MACROD2: variants seen among roughly 807,000 people sequenced by gnomAD.
MACROD2 encodes mono-ADP ribosylhydrolase 2, also known as ADP-ribose glycohydrolase MACROD2.
MACROD2 carries 36 observed loss-of-function variants against 70.4 expected under a neutral mutation model. The ratio of observed to expected loss-of-function variants is 0.51; its 90% CI spans 0.39 to 0.68. The LOEUF (loss-of-function observed/expected upper bound fraction) is 0.68. MACROD2 is among the 30% of genes least tolerant of loss of function. The probability of loss-of-function intolerance (pLI) is 0.00; values close to 1 mark genes in which losing one functional copy is unlikely to be tolerated. For synonymous variants in MACROD2, 172 were observed against 178.8 expected, an observed-to-expected ratio of 0.96 and a Z score of 0.30; for missense variants, 496 against 538.4, an observed-to-expected ratio of 0.92 and a Z score of 0.78.
At chr20:15,905,527 C>T (rs6043609) in intron 10 of MACROD2, among the ~76,000 whole-genome samples, 6,202 of 152,132 alleles carry the variant, frequency 0.041, 305 homozygotes, top group East Asian at 0.12. Flanking sequence ...ACTCAGTCCC[C>T]GGGTTTATAG....
At chr20:14,173,405 TG>T (rs2081239072) in intron 3 of MACROD2, among the ~76,000 whole-genome samples, 1 of 152,230 alleles carries the variant, frequency 6.6e-6, no homozygotes, top group African/African-American at 2.4e-5. Context: ...TTGATGTTAT[TG>T]ATGAGACTTT....
chr20:14,308,904 T>C (rs2082542716), intron 3 of MACROD2, among the ~76,000 whole-genome samples: 1 of 152,146 alleles, frequency 6.6e-6, no homozygotes, highest in Non-Finnish European at 1.5e-5. Flanking sequence ...AGTGGTTATG[T>C]CCTGTCTCTT....
At chr20:15,650,350 A>G (rs1276556766) in intron 8 of MACROD2, among the ~76,000 whole-genome samples, 14 of 152,152 alleles carry the variant, frequency 9.2e-5, no homozygotes, top group Admixed American at 9.2e-4. Context: ...TCTGCTTTTG[A>G]GTCTCTGAAA....
At position 15,431,628 on chromosome 20, in the gene MACROD2, A is replaced by T. The variant is rs541832506; in HGVS notation, c.571+193A>T. On this transcript the variant is annotated intron_variant, in intron 7 of 17. Coordinates refer to ENST00000684519, the MANE Select transcript of MACROD2 (RefSeq NM_001351661.2). ...CTTTTGGGTTCTTGAATTTGGTTAT[A>T]TCGGGTATCACATGAAATTATTTGA... 6.1e-4 allele frequency among the ~76,000 whole-genome samples: 92 copies of T among 152,014 alleles called. 1 individual carries two copies. Among genetic ancestry groups the T allele is most frequent in the African/African-American group, 2.1e-3 (86 of 41,432 alleles).
intron 8 of MACROD2, among the ~76,000 whole-genome samples, chr20:15,547,805 T>C (rs978743473): frequency 6.6e-6 from 1 of 152,218 alleles, no homozygotes; most frequent in Admixed American, 6.5e-5. Context: ...TGGATTCCTG[T>C]GTTGATCTAG....
At chr20:14,657,094 G>A (rs1171136309) in intron 4 of MACROD2, among the ~76,000 whole-genome samples, 2 of 152,130 alleles carry the variant, frequency 1.3e-5, no homozygotes, top group African/African-American at 4.8e-5. Flanking sequence ...TCATACATTT[G>A]TGCTTTATTT....
At chr20:14,991,891 T>C (rs1399593959) in intron 5 of MACROD2, among the ~76,000 whole-genome samples, 1 of 152,192 alleles carries the variant, frequency 6.6e-6, no homozygotes, top group Non-Finnish European at 1.5e-5. Context: ...AAAATGGTTA[T>C]AACTGTAACC....
chr20:14,163,808 T>G (rs1337354977), intron 3 of MACROD2, among the ~76,000 whole-genome samples: 1 of 151,818 alleles, frequency 6.6e-6, no homozygotes, highest in Non-Finnish European at 1.5e-5. Flanking sequence ...GTTTTATTCT[T>G]TTTTATGATA....
At chr20:14,335,225 G>A (rs2082915442) in intron 3 of MACROD2, among the ~76,000 whole-genome samples, 1 of 152,160 alleles carries the variant, frequency 6.6e-6, no homozygotes, top group African/African-American at 2.4e-5. Context: ...TTTTCATCTA[G>A]AGAGACTGAG....
intron 3 of MACROD2, among the ~76,000 whole-genome samples, chr20:14,357,195 A>G (rs188677563): frequency 3.9e-5 from 6 of 152,328 alleles, no homozygotes; most frequent in African/African-American, 1.4e-4. Context: ...GCCATGTTTG[A>G]GAAATACAGC....
At chr20:15,846,715 T>A (rs1314895516) in intron 8 of MACROD2, among the ~76,000 whole-genome samples, 2 of 151,946 alleles carry the variant, frequency 1.3e-5, no homozygotes, top group Admixed American at 6.6e-5. Context: ...TCACACCCAC[T>A]GGCTAGAGAG....
intron 4 of MACROD2, among the ~76,000 whole-genome samples, chr20:14,578,967 A>C (rs557164461): frequency 1.4e-5 from 2 of 141,120 alleles, no homozygotes; most frequent in Admixed American, 1.5e-4. Context: ...TCTTGGAAGT[A>C]CTTGCAAATT....
At chr20:15,224,027 C>T (rs1310790445) in intron 5 of MACROD2, among the ~76,000 whole-genome samples, 1 of 152,122 alleles carries the variant, frequency 6.6e-6, no homozygotes, top group Non-Finnish European at 1.5e-5. Context: ...CCCAAACTAG[C>T]CCACATGGAG....
At chr20:15,636,447 T>C (rs1600697753) in intron 8 of MACROD2, among the ~76,000 whole-genome samples, 1 of 152,206 alleles carries the variant, frequency 6.6e-6, no homozygotes, top group African/African-American at 2.4e-5. Context: ...CCCATTCAAT[T>C]TGTTCATCCA....
chr20:14,681,033 T>G (rs1378641137), intron 4 of MACROD2, among the ~76,000 whole-genome samples: 1 of 152,156 alleles, frequency 6.6e-6, no homozygotes, highest in Non-Finnish European at 1.5e-5. Context: ...CAGTATACAT[T>G]TGGCAAGACA....
At chr20:14,787,920 C>T (rs1459068198) in intron 5 of MACROD2, among the ~76,000 whole-genome samples, 1 of 152,080 alleles carries the variant, frequency 6.6e-6, no homozygotes, top group Non-Finnish European at 1.5e-5. Context: ...TAAGACAGCA[C>T]ATTTCTAAGA....
chr20:15,936,732 G>A (rs1164859689), intron 11 of MACROD2, among the ~76,000 whole-genome samples: 2 of 149,548 alleles, frequency 1.3e-5, no homozygotes, highest in Non-Finnish European at 2.9e-5. Context: ...AATGATTTTA[G>A]TAATCCTGCC....
intron 13 of MACROD2, among the ~76,000 whole-genome samples, chr20:15,983,945 C>T (rs2066438667): frequency 6.6e-6 from 1 of 151,988 alleles, no homozygotes; most frequent in South Asian, 2.1e-4. Context: ...CTAAAGAAAG[C>T]TAAATACTAT....
intron 3 of MACROD2, among the ~76,000 whole-genome samples, chr20:14,344,742 G>A (rs535910786): frequency 6.5e-4 from 99 of 152,182 alleles, no homozygotes; most frequent in African/African-American, 2.4e-3. Flanking sequence ...AAAAATTGAA[G>A]GTAGACTTGA....
Sources: allele counts gnomAD v4.1 joint callset (sites outside exome capture counted in the v4.1 genomes callset), GRCh38; gene constraint gnomAD v4.1.1; transcripts MANE v1.5; gene names NCBI Gene and HGNC (gene_info 2026-07-23, HGNC 2026-07-21).